The following ANKFN1 variants were observed in gnomAD, a reference collection of about 807,000 sequenced individuals.
ANKFN1 encodes ankyrin repeat and fibronectin type III domain containing 1, also known as ankyrin repeat and fibronectin type-III domain-containing protein 1.
A neutral mutation model predicts 108.7 loss-of-function variants in ANKFN1; 74 were observed. That is an observed-to-expected ratio of 0.68 (90% CI 0.56 to 0.83). The LOEUF (loss-of-function observed/expected upper bound fraction) is 0.83. Ranked by LOEUF, ANKFN1 falls within the 40% of genes least tolerant of loss-of-function variation. The pLI is 0.00. For missense variants in ANKFN1, 1,505 were observed against 1,382.3 expected (o/e 1.09, Z -1.41); for synonymous variants, 547 against 516.2 (o/e 1.06, Z -0.81).
At chr17:56,116,370 G>A (rs997830076) in intron 4 of ANKFN1, among the ~76,000 whole-genome samples, 4 of 152,102 alleles carry the variant, frequency 2.6e-5, no homozygotes, top group African/African-American at 9.7e-5. Context: ...ATAAACAAAA[G>A]GTAGTATTGT....
chr17:56,442,865 T>C lies in ANKFN1; in HGVS notation c.1031T>C (p.Val344Ala). 2 of 1,613,824 alleles carry C rather than the reference T, an allele frequency of 1.2e-6. No individual in the cohort carries two copies. Among genetic ancestry groups the C allele is most frequent in the Non-Finnish European group, 1.7e-6 (2 of 1,179,756 alleles). ...CAGGGCCAACAGTATTTTGTTCAAG[T>C]CTCGGCTTACAATATGAAAGGATGG... ...LTMGQQYFVQ[V>A]SAYNMKGWGP... Residue 344 changes from valine (V) to alanine (A), a missense_variant, in exon 10 of 21, where the codon GTC becomes GCC. By Grantham distance (64) the Val-to-Ala change is moderately conservative. Transcript: ENST00000682825.
In ANKFN1 at chr17:56,457,916, C is replaced by T; in HGVS notation, c.1494C>T (p.Ser498=). The T allele has an allele frequency of 6.2e-7, 1 of 1,614,066 alleles. No individual in the cohort carries two copies. The highest frequency in any genetic ancestry group is 1.1e-5 in the South Asian group (1 of 91,062). ...IRWLRQSIPI[S]SSSSTVLQTR... ...GGCTGAGGCAAAGCATACCAATATC[C>T]TCATCCTCATCCACAGTGCTGCAAA... is the stretch of plus-strand genomic sequence containing the variant. Residue 498 remains serine, a synonymous_variant, in exon 14 of 21, where the codon TCC becomes TCT. Transcript: ENST00000682825.
chr17:56,352,181 G>C (rs2046265684), intron 5 of ANKFN1, among the ~76,000 whole-genome samples: 1 of 152,190 alleles, frequency 6.6e-6, no homozygotes, highest in Non-Finnish European at 1.5e-5. Flanking sequence ...CCATTCAGCA[G>C]ATTGTCTTGT....
chr17:56,355,539 A>C (rs2046353973), intron 6 of ANKFN1, among the ~76,000 whole-genome samples: 1 of 152,178 alleles, frequency 6.6e-6, no homozygotes, highest in Admixed American at 6.5e-5. Flanking sequence ...GTCAGTGTTC[A>C]ACTTTAATTG....
intron 3 of ANKFN1, among the ~76,000 whole-genome samples, chr17:56,305,101 G>C (rs2044781247): frequency 1.3e-5 from 2 of 152,244 alleles, no homozygotes; most frequent in East Asian, 3.9e-4. Flanking sequence ...AAAAGGGGAA[G>C]CAAACACATC....
upstream of ANKFN1, among the ~76,000 whole-genome samples, chr17:56,148,710 T>C (rs1908416503): frequency 1.3e-5 from 2 of 152,262 alleles, no homozygotes; most frequent in African/African-American, 4.8e-5. Flanking sequence ...TTAAAAGTTT[T>C]CTTTTGCCCA....
chr17:56,447,556 T>C (rs1022681759), intron 10 of ANKFN1, among the ~76,000 whole-genome samples: 9 of 152,160 alleles, frequency 5.9e-5, no homozygotes, highest in Non-Finnish European at 1.2e-4. Flanking sequence ...ATATCAGCCC[T>C]GGTATCCTGA....
intron 8 of ANKFN1, among the ~76,000 whole-genome samples, chr17:56,433,105 A>C (rs977214193): frequency 6.6e-6 from 1 of 152,198 alleles, no homozygotes; most frequent in Non-Finnish European, 1.5e-5. Context: ...TGTAGCACAC[A>C]ATTCACAAAT....
At chr17:56,121,498 A>G (rs982559706) in intron 4 of ANKFN1, among the ~76,000 whole-genome samples, 2 of 152,142 alleles carry the variant, frequency 1.3e-5, no homozygotes, top group Middle Eastern at 3.4e-3. Flanking sequence ...CTGTTTTGCT[A>G]GAGGTAAAGT....
chr17:56,493,607 T>C (rs1382340698), intron 19 of ANKFN1, among the ~76,000 whole-genome samples: 2 of 152,116 alleles, frequency 1.3e-5, no homozygotes, highest in African/African-American at 4.8e-5. Flanking sequence ...ATCTGTACTT[T>C]TTTTCTGTAG....
chr17:56,226,223 AACT>A (rs1916258755), intron 2 of ANKFN1, among the ~76,000 whole-genome samples: 1 of 152,128 alleles, frequency 6.6e-6, no homozygotes. Context: ...AATAACTAAC[AACT>A]AATAATAATA....
At chr17:56,271,642 A>G (rs2043797652) in intron 3 of ANKFN1, among the ~76,000 whole-genome samples, 1 of 152,196 alleles carries the variant, frequency 6.6e-6, no homozygotes, top group African/African-American at 2.4e-5. Flanking sequence ...GAGGGTGACC[A>G]GGAAGGGCAG....
chr17:56,458,094 C>A, intron 14 of ANKFN1, 115 bp downstream of exon 14: 2 of 829,832 alleles, frequency 2.4e-6, no homozygotes, highest in Non-Finnish European at 3.7e-6. Flanking sequence ...TTTCAGACCC[C>A]TAAGAATATG....
intron 1 of ANKFN1, among the ~76,000 whole-genome samples, chr17:56,207,789 G>A (rs1049351809): frequency 2.0e-5 from 3 of 151,780 alleles, no homozygotes; most frequent in Non-Finnish European, 4.4e-5. Context: ...CCATTCATTT[G>A]TTTTCATCAT....
At chr17:56,350,388 A>G (rs1190372635) in intron 4 of ANKFN1, among the ~76,000 whole-genome samples, 1 of 152,182 alleles carries the variant, frequency 6.6e-6, no homozygotes, top group East Asian at 1.9e-4. Context: ...CCAATTATAT[A>G]TACCCAAGAG....
chr17:56,498,786 A>G lies in ANKFN1; in HGVS notation c.2428-96A>G, dbSNP rs1381875395. ...TATTTTACTCTTGCTCAAAGCCAAT[A>G]TTGCGGAAAATGGATCATCTTGGAC... is the stretch of plus-strand genomic sequence containing the variant. On this transcript the variant is annotated intron_variant, in intron 19 of 20. Transcript: ENST00000682825. The G allele has an allele frequency of 1.2e-5, 12 of 976,864 alleles. 1 individual carries two copies. The highest frequency in any genetic ancestry group is 6.1e-6 in the Non-Finnish European group (4 of 657,906). 60.5% of individuals were successfully genotyped at this position (976,864 alleles called of 1,614,324 possible).
At chr17:56,060,329 G>A (rs1186741681) in intron 4 of ANKFN1, among the ~76,000 whole-genome samples, 5 of 152,018 alleles carry the variant, frequency 3.3e-5, no homozygotes, top group Non-Finnish European at 7.4e-5. Flanking sequence ...GGAGTTTTGG[G>A]GCTGAGATTA....
intron 3 of ANKFN1, among the ~76,000 whole-genome samples, chr17:56,271,794 G>A (rs117362387): frequency 6.6e-6 from 1 of 152,254 alleles, no homozygotes; most frequent in Non-Finnish European, 1.5e-5. Context: ...TCCGGGGCTG[G>A]GTAAGCCAAG....
intron 15 of ANKFN1, among the ~76,000 whole-genome samples, chr17:56,476,030 G>A (rs748846281): frequency 2.6e-5 from 4 of 152,092 alleles, no homozygotes; most frequent in East Asian, 1.9e-4. Context: ...ATGGCAGAGC[G>A]GGAGAAAGAG....
Sources: allele counts gnomAD v4.1 joint callset (sites outside exome capture counted in the v4.1 genomes callset), GRCh38; gene constraint gnomAD v4.1.1; transcripts MANE v1.5; gene names NCBI Gene and HGNC (gene_info 2026-07-23, HGNC 2026-07-21).